CFAP47: variants seen among roughly 807,000 people sequenced by gnomAD.
The protein encoded by CFAP47 is cilia and flagella associated protein 47.
A neutral mutation model predicts 148.1 loss-of-function variants in CFAP47; 29 were observed. That is an observed-to-expected ratio of 0.20 (90% CI 0.15 to 0.27). The LOEUF (loss-of-function observed/expected upper bound fraction) is 0.27. Ranked by LOEUF, CFAP47 falls within the 10% of genes least tolerant of loss-of-function variation. The pLI, the probability that CFAP47 is intolerant of heterozygous loss-of-function variation, is 1.00. For missense variants in CFAP47, 1,872 were observed against 1,697.5 expected (o/e 1.10, Z -1.81); for synonymous variants, 664 against 577.3 (o/e 1.15, Z -2.15).
chrX:36,132,063 T>A (rs1213715592), intron 33 of CFAP47, among the ~76,000 whole-genome samples: 2 of 111,465 alleles, frequency 1.8e-5, no homozygotes, highest in African/African-American at 6.5e-5. Flanking sequence ...TCATCTAACA[T>A]AAAATTCATG....
At chrX:36,317,898 A>G (rs1556011342) in intron 56 of CFAP47, among the ~76,000 whole-genome samples, 2 of 111,781 alleles carry the variant, frequency 1.8e-5, no homozygotes, top group East Asian at 2.8e-4. Flanking sequence ...CTTGCTTACA[A>G]TTATTTTATT....
At chrX:36,291,704 TATTAA>T (rs1331248521) in intron 51 of CFAP47, among the ~76,000 whole-genome samples, 36 of 110,838 alleles carry the variant, frequency 3.2e-4, no homozygotes, top group African/African-American at 1.1e-3. Flanking sequence ...ACCCCACGAT[TATTAA>T]ATTATGTGTA....
chrX:36,156,795 G>T (rs1170467038), intron 37 of CFAP47, among the ~76,000 whole-genome samples: 2 of 111,146 alleles, frequency 1.8e-5, no homozygotes, highest in Non-Finnish European at 3.8e-5. Flanking sequence ...AGAAAAGAAT[G>T]CTGGTCATTT....
At chrX:35,920,771 A>AT (rs1176553891) in intron 1 of CFAP47, among the ~76,000 whole-genome samples, 1 of 112,150 alleles carries the variant, frequency 8.9e-6, no homozygotes, top group Non-Finnish European at 1.9e-5. Flanking sequence ...TGCGATAAGA[A>AT]TTTTTGAAAT....
chrX:35,975,199 T>C lies in CFAP47; in HGVS notation c.2307T>C (p.His769=). ...TTTGTGTGAACTCTCCAAATACTCA[T>C]CTACTTCATGTTATTAATATGCTAC... is the stretch of plus-strand genomic sequence containing the variant. ...GNICVNSPNT[H]LLHVINMLPM... Residue 769 remains histidine, a synonymous_variant, in exon 14 of 64, where the codon CAT becomes CAC. Coordinates refer to ENST00000378653, the MANE Select transcript of CFAP47 (RefSeq NM_001304548.2). 1.7e-6 allele frequency: 2 copies of C among 1,202,171 alleles called. No individual in the cohort carries two copies. The highest frequency in any genetic ancestry group is 1.7e-5 in the African/African-American group (1 of 57,592).
At chrX:36,226,821 A>C (rs1940275352) in intron 45 of CFAP47, among the ~76,000 whole-genome samples, 1 of 111,532 alleles carries the variant, frequency 9.0e-6, no homozygotes. Flanking sequence ...TTTATACTTG[A>C]ACTTGTGCGT....
At chrX:36,323,702 A>G (rs1479763945) in intron 57 of CFAP47, among the ~76,000 whole-genome samples, 5 of 111,462 alleles carry the variant, frequency 4.5e-5, no homozygotes, top group Non-Finnish European at 9.5e-5. Flanking sequence ...AAGGACATGG[A>G]TAAAAATAAT....
At chrX:36,063,786 G>C (rs1162502006) in intron 26 of CFAP47, among the ~76,000 whole-genome samples, 1 of 111,825 alleles carries the variant, frequency 8.9e-6, no homozygotes, top group Non-Finnish European at 1.9e-5. Flanking sequence ...ACAAGTAATG[G>C]GGTAAGAGAA....
intron 33 of CFAP47, among the ~76,000 whole-genome samples, chrX:36,121,323 C>A (rs1464650312): frequency 9.0e-6 from 1 of 110,664 alleles, no homozygotes; most frequent in East Asian, 2.8e-4. Context: ...TTCAGCCACA[C>A]TGTATGTATT....
chrX:36,282,183 GA>G lies in CFAP47; in HGVS notation c.7588+1563del, dbSNP rs1254395060. ...ATTGAATCTTTGTAGCTGAAACTAG[GA>G]AAAAAAAAACAATATTAACATGAGT... On this transcript the variant is annotated intron_variant, in intron 50 of 63. Coordinates refer to ENST00000378653, the MANE Select transcript of CFAP47 (RefSeq NM_001304548.2). 4.0e-4 allele frequency among the ~76,000 whole-genome samples: 42 copies of G among 104,830 alleles called. No individual in the cohort carries two copies. The East Asian group carries it at 4.2e-3, about 10-fold the overall frequency. 91.0% of individuals were successfully genotyped at this position (104,830 alleles called of 115,157 possible).
At chrX:35,955,529 T>G (rs148940516) in intron 7 of CFAP47, among the ~76,000 whole-genome samples, 1,898 of 111,659 alleles carry the variant, frequency 0.017, 45 homozygotes, top group African/African-American at 0.059. Context: ...TTTCCTAGAT[T>G]TTCACATTTT....
At chrX:36,181,780 C>T (rs1049221682) in intron 40 of CFAP47, among the ~76,000 whole-genome samples, 2 of 111,686 alleles carry the variant, frequency 1.8e-5, no homozygotes, top group African/African-American at 6.5e-5. Context: ...ATGTGTACCC[C>T]TGTGAAGACT....
intron 22 of CFAP47, among the ~76,000 whole-genome samples, chrX:36,023,908 T>C (rs1937187805): frequency 8.9e-6 from 1 of 112,321 alleles, no homozygotes; most frequent in African/African-American, 3.2e-5. Flanking sequence ...AAGAGCCAAG[T>C]TCTGGAATTG....
chrX:36,316,919 G>T (rs1941438703), intron 56 of CFAP47, among the ~76,000 whole-genome samples: 1 of 111,610 alleles, frequency 9.0e-6, no homozygotes, highest in Non-Finnish European at 1.9e-5. Flanking sequence ...CCCAGTAGCT[G>T]GGACCACAGG....
At chrX:35,952,162 C>T (rs1204159839) in intron 6 of CFAP47, among the ~76,000 whole-genome samples, 199 bp downstream of exon 6, 2 of 111,772 alleles carry the variant, frequency 1.8e-5, no homozygotes, top group East Asian at 5.6e-4. Context: ...CTAAATACTT[C>T]ATGTAAAGTT....
At chrX:36,222,924 C>T (rs1355973746) in intron 45 of CFAP47, among the ~76,000 whole-genome samples, 1 of 111,163 alleles carries the variant, frequency 9.0e-6, no homozygotes, top group Non-Finnish European at 1.9e-5. Context: ...GAAGTGGGAA[C>T]TAGTAGGAGG....
intron 46 of CFAP47, among the ~76,000 whole-genome samples, chrX:36,233,210 TG>T (rs1555993109): frequency 2.7e-5 from 3 of 110,874 alleles, no homozygotes; most frequent in Non-Finnish European, 5.7e-5. Flanking sequence ...ATGTTGAGAG[TG>T]GGGTGTTAAA....
chrX:36,039,404 T>C (rs16987347), intron 25 of CFAP47, among the ~76,000 whole-genome samples: 1,236 of 112,602 alleles, frequency 0.011, 17 homozygotes, highest in African/African-American at 0.038. Context: ...TGTGTCTCTC[T>C]TCATGAAGTA....
In CFAP47 at chrX:35,953,624, C is replaced by T; in HGVS notation, c.1079C>T (p.Pro360Leu). The change falls in exon 7 of 64, where the codon CCT becomes CTT. Residue 360 changes from proline (P) to leucine (L), a missense_variant. Pro to Leu is a moderately conservative substitution (Grantham distance 98). Coordinates refer to ENST00000378653, the MANE Select transcript of CFAP47 (RefSeq NM_001304548.2). ...LMAVGKKDIGPSYRQDYALFL... is the reference protein window; with the variant it reads ...LMAVGKKDIGLSYRQDYALFL... Reference sequence around the variant, plus strand: ...GCTGTTGGTAAAAAGGATATTGGACCTTCATACAGACAGGACTATGCTCTC... The same window carrying T: ...GCTGTTGGTAAAAAGGATATTGGACTTTCATACAGACAGGACTATGCTCTC... The T allele has an allele frequency of 2.5e-6, 3 of 1,194,173 alleles. No homozygotes were observed. Among genetic ancestry groups the T allele is most frequent in the Non-Finnish European group, 3.4e-6 (3 of 885,108 alleles).
Sources: gnomAD v4.1 joint callset for allele counts (sites outside exome capture counted in the v4.1 genomes callset) on GRCh38, gnomAD v4.1.1 for gene constraint, MANE v1.5 for transcripts, NCBI Gene and HGNC (gene_info 2026-07-23, HGNC 2026-07-21) for gene names.